C12orf54: variants seen among roughly 807,000 people sequenced by gnomAD.
C12orf54 encodes chromosome 12 open reading frame 54.
C12orf54 carries 24 observed loss-of-function variants against 26.4 expected under a neutral mutation model. That is an observed-to-expected ratio of 0.91 (90% CI 0.66 to 1.28). C12orf54 has a LOEUF of 1.28. Ranked by LOEUF, C12orf54 falls within the 50% of genes most tolerant of loss-of-function variation. The pLI is 0.00. For synonymous variants in C12orf54, 54 were observed against 47.0 expected (o/e 1.15, Z -0.61); for missense variants, 154 against 150.9 (o/e 1.02, Z -0.11).
the C12orf54 span, among the ~76,000 whole-genome samples, chr12:48,421,617 C>T: frequency 6.7e-6 from 1 of 150,146 alleles, no homozygotes; most frequent in Non-Finnish European, 1.5e-5. Context: ...GCAACCTCCA[C>T]CTCCCCAGTT....
Position 48,492,960 on chromosome 12 carries a change from C to T in C12orf54, c.207C>T (p.Cys69=). 3.1e-6 allele frequency: 5 copies of T among 1,614,076 alleles called. No homozygotes were observed. Among genetic ancestry groups the T allele is most frequent in the Non-Finnish European group, 4.2e-6 (5 of 1,179,954 alleles). The change falls in exon 7 of 9, where the codon TGC becomes TGT. Residue 69 remains cysteine (C), a synonymous_variant. Coordinates refer to ENST00000548364, the MANE Select transcript of C12orf54 (RefSeq NM_152319.4). ...EDARIRGMSN[C]SMTPMTSAPR... ...TGTCCACTTTAGGGATGAGCAACTGCTCCATGACACCCATGACATCAGCAC... is the reference window on the plus strand; with the variant it reads ...TGTCCACTTTAGGGATGAGCAACTGTTCCATGACACCCATGACATCAGCAC...
At chr12:48,471,089 A>T in the C12orf54 span, among the ~76,000 whole-genome samples, 1 of 152,028 alleles carries the variant, frequency 6.6e-6, no homozygotes, top group African/African-American at 2.4e-5. Context: ...TGTACCCATT[A>T]ACCATCCTCA....
In C12orf54 at chr12:48,496,305, C is replaced by A. The variant is rs1937911170; in HGVS notation, c.*165C>A. ...TGGGAACTTGGAAATCAAGTGAGAC[C>A]CAAGCAAGGAAACCAACTGCCAAAG... On this transcript the variant is annotated 3_prime_UTR_variant, in exon 9 of 9. Coordinates refer to ENST00000548364, the MANE Select transcript of C12orf54 (RefSeq NM_152319.4). 2 of 152,654 alleles carry A rather than the reference C, an allele frequency of 1.3e-5. No individual in the cohort carries two copies. Among genetic ancestry groups the A allele is most frequent in the African/African-American group, 4.8e-5 (2 of 41,532 alleles). 9.5% of individuals were successfully genotyped at this position (152,654 alleles called of 1,614,324 possible). A position where few individuals can be genotyped will look rare whatever the true frequency, so the allele number is the denominator to read the frequency against.
chr12:48,418,094 G>A, the C12orf54 span, among the ~76,000 whole-genome samples: 1 of 152,218 alleles, frequency 6.6e-6, no homozygotes, highest in South Asian at 2.1e-4. Flanking sequence ...CAGCAGCAGA[G>A]GGGCTGATTG....
chr12:48,470,561 T>C, the C12orf54 span, among the ~76,000 whole-genome samples: 51 of 152,314 alleles, frequency 3.3e-4, no homozygotes, highest in African/African-American at 1.1e-3. Flanking sequence ...AGAGTCTTGA[T>C]ATTAGATCTT....
At chr12:48,457,158 GAATCAGACC>G in the C12orf54 span, among the ~76,000 whole-genome samples, 2 of 151,998 alleles carry the variant, frequency 1.3e-5, no homozygotes, top group Non-Finnish European at 2.9e-5. Flanking sequence ...AAATTAAATG[GAATCAGACC>G]AAGCTGGGGG....
chr12:48,466,747 A>G, the C12orf54 span, among the ~76,000 whole-genome samples: 52 of 152,312 alleles, frequency 3.4e-4, no homozygotes, highest in African/African-American at 1.2e-3. Flanking sequence ...GTAAAATGGT[A>G]CTGCAACTTT....
chr12:48,416,399 C>T, the C12orf54 span, among the ~76,000 whole-genome samples: 1 of 152,198 alleles, frequency 6.6e-6, no homozygotes, highest in African/African-American at 2.4e-5. Flanking sequence ...GTGCCAAAGC[C>T]TCTGCATTAG....
In C12orf54 at chr12:48,496,388, T is replaced by A. The variant is rs1373430031; in HGVS notation, c.*248T>A. 6.6e-6 allele frequency: 1 copy of A among 152,654 alleles called. No homozygotes were observed. The highest frequency in any genetic ancestry group is 2.4e-5 in the African/African-American group (1 of 41,454). The allele number at this position is 152,654 out of a possible 1,614,324, so 9.5% of individuals were successfully genotyped here. A position where few individuals can be genotyped will look rare whatever the true frequency, so the allele number is the denominator to read the frequency against. On this transcript the variant is annotated 3_prime_UTR_variant, in exon 9 of 9. Transcript: ENST00000548364. ...ATGAAATAAATGTGACGTAGAAGAC[T>A]TGCCTTCCTGGTTCTTCCTGGGCTG...
At chr12:48,465,327 G>A in the C12orf54 span, among the ~76,000 whole-genome samples, 1 of 152,110 alleles carries the variant, frequency 6.6e-6, no homozygotes, top group Non-Finnish European at 1.5e-5. Context: ...GAACATCACT[G>A]ATCATTAGAG....
chr12:48,493,063 T>A (rs1937826988), intron 7 of C12orf54, 68 bp downstream of exon 7: 2 of 1,395,114 alleles, frequency 1.4e-6, no homozygotes, highest in Non-Finnish European at 1.0e-6. Flanking sequence ...GTGCTGGCCA[T>A]GAATATAGCT....
the C12orf54 span, among the ~76,000 whole-genome samples, chr12:48,465,457 T>C: frequency 0.018 from 2,674 of 152,288 alleles, 34 homozygotes; most frequent in Non-Finnish European, 0.026. Context: ...GCTTATTCAC[T>C]ATTGGTGGGA....
the C12orf54 span, among the ~76,000 whole-genome samples, chr12:48,415,774 A>G: frequency 6.6e-6 from 1 of 151,952 alleles, no homozygotes; most frequent in Non-Finnish European, 1.5e-5. Flanking sequence ...CCATTTGACC[A>G]TTTTCTAGAG....
chr12:48,452,569 C>G, the C12orf54 span, among the ~76,000 whole-genome samples: 1 of 151,352 alleles, frequency 6.6e-6, no homozygotes, highest in Admixed American at 6.6e-5. Context: ...AATAGACAGC[C>G]TACAGAATGG....
the C12orf54 span, among the ~76,000 whole-genome samples, chr12:48,452,989 G>T: frequency 6.6e-6 from 1 of 152,148 alleles, no homozygotes; most frequent in African/African-American, 2.4e-5. Flanking sequence ...CCATTACTGA[G>T]TATATACCCA....
the C12orf54 span, among the ~76,000 whole-genome samples, chr12:48,423,965 T>C: frequency 1.3e-5 from 2 of 152,220 alleles, no homozygotes; most frequent in South Asian, 4.1e-4. Context: ...TAATGGTAGA[T>C]GTTAATTTTT....
chr12:48,416,191 T>G, the C12orf54 span, among the ~76,000 whole-genome samples: 1 of 152,214 alleles, frequency 6.6e-6, no homozygotes, highest in Non-Finnish European at 1.5e-5. Context: ...CTTGTCCTTC[T>G]ATAATTAGTG....
chr12:48,459,861 A>C, the C12orf54 span, among the ~76,000 whole-genome samples: 1 of 152,196 alleles, frequency 6.6e-6, no homozygotes, highest in South Asian at 2.1e-4. Flanking sequence ...AAATACTGCC[A>C]AACAGGGAGG....
chr12:48,490,823 T>A lies in C12orf54; in HGVS notation c.180T>A (p.Asp60Glu). 5 of 1,613,706 alleles carry A rather than the reference T, an allele frequency of 3.1e-6. No homozygotes were observed. In the South Asian group the frequency reaches 5.5e-5, roughly 18 times the overall value. The change falls in exon 6 of 9, where the codon GAT becomes GAA. Residue 60 changes from aspartate (D) to glutamate (E), a missense_variant. Physicochemically the swap from Asp to Glu is conservative, Grantham distance 45 (BLOSUM62 2). Coordinates refer to ENST00000548364, the MANE Select transcript of C12orf54 (RefSeq NM_152319.4). ...TCATTATTTTTCAGCTGCAGGAAGA[T>A]GCTCGGATTCGAGGTAAAACAGCAC... Reference protein sequence around the residue: ...FKDIQKELQEDARIRGMSNCS... With the variant: ...FKDIQKELQEEARIRGMSNCS...
Sources: gnomAD v4.1 joint callset for allele counts (sites outside exome capture counted in the v4.1 genomes callset) on GRCh38, gnomAD v4.1.1 for gene constraint, MANE v1.5 for transcripts, NCBI Gene and HGNC (gene_info 2026-07-23, HGNC 2026-07-21) for gene names.